Variants in EML6 observed in about 807,000 individuals in gnomAD.
The protein encoded by EML6 is echinoderm microtubule-associated protein-like 6.
EML6 carries 154 observed loss-of-function variants against 240.1 expected under a neutral mutation model. The observed-to-expected ratio is 0.64, with a 90% CI of 0.56 to 0.73. EML6 has a LOEUF of 0.73. Among genes scored for constraint, EML6 ranks in the 30% least tolerant of loss-of-function variants. The pLI, the probability that EML6 is intolerant of heterozygous loss-of-function variation, is 0.00. For synonymous variants in EML6, 1,148 were observed against 899.0 expected (o/e 1.28, Z -4.95); for missense variants, 2,964 against 2,474.6 (o/e 1.20, Z -4.20).
At chr2:54,849,076 A>T (rs1267068142) in intron 9 of EML6, among the ~76,000 whole-genome samples, 2 of 152,216 alleles carry the variant, frequency 1.3e-5, no homozygotes, top group Non-Finnish European at 2.9e-5. Context: ...TTGAAACAAA[A>T]ATTTTAGGGA....
chr2:54,827,462 T>C (rs531094532), intron 5 of EML6, 104 bp from the exon 6 acceptor site: 1 of 944,694 alleles, frequency 1.1e-6, no homozygotes, highest in South Asian at 1.6e-5. Flanking sequence ...GTGCCTAGCT[T>C]GGATAGAGCA....
intron 5 of EML6, among the ~76,000 whole-genome samples, chr2:54,822,590 G>T (rs1054590974): frequency 1.3e-5 from 2 of 152,164 alleles, no homozygotes; most frequent in Non-Finnish European, 2.9e-5. Context: ...TTTAAATGAT[G>T]ATATTGGGAA....
Position 54,959,132 on chromosome 2 carries a change from A to T in EML6, c.4724A>T (p.Asn1575Ile). The change falls in exon 34 of 42, where the codon AAT (asparagine) becomes ATT (isoleucine). Residue 1575 changes from asparagine (N) to isoleucine (I), a missense_variant. By Grantham distance (149) the Asn-to-Ile change is moderately radical. Coordinates refer to ENST00000356458, the MANE Select transcript of EML6 (RefSeq NM_001039753.4). Reference protein sequence around the residue: ...ANNLTFTGAINGDVYVWKDHF... With the variant: ...ANNLTFTGAIIGDVYVWKDHF... Reference sequence around the variant, plus strand: ...AATCTCACTTTCACGGGTGCCATCAATGGAGATGTCTACGTCTGGAAGGAC... The same window carrying T: ...AATCTCACTTTCACGGGTGCCATCATTGGAGATGTCTACGTCTGGAAGGAC... The T allele has an allele frequency of 6.4e-7, 1 of 1,551,494 alleles. No homozygotes were observed. Among genetic ancestry groups the T allele is most frequent in the Non-Finnish European group, 8.7e-7 (1 of 1,146,910 alleles).
chr2:54,859,925 G>C (rs960359825), intron 12 of EML6, among the ~76,000 whole-genome samples: 4 of 152,144 alleles, frequency 2.6e-5, no homozygotes, highest in African/African-American at 4.8e-5. Context: ...TGAGCAGGAC[G>C]TCAGCAACGT....
In EML6 at chr2:54,895,263, C is replaced by T. The variant is rs1250878508; in HGVS notation, c.2855-10C>T. 1 of 1,551,350 alleles carries T rather than the reference C, an allele frequency of 6.4e-7. No individual in the cohort carries two copies. Among genetic ancestry groups the T allele is most frequent in the East Asian group, 2.4e-5 (1 of 40,912 alleles). On this transcript the variant is annotated splice_polypyrimidine_tract_variant and intron_variant, in intron 20 of 41. Coordinates refer to ENST00000356458, the MANE Select transcript of EML6 (RefSeq NM_001039753.4). ...TGTTATTGTGTTAAATATACCATCC[C>T]CTTCCCCAGGCTTGCTTTTGGAAGA...
intron 7 of EML6, among the ~76,000 whole-genome samples, chr2:54,832,637 C>T (rs1237546998): frequency 6.6e-6 from 1 of 152,134 alleles, no homozygotes; most frequent in Admixed American, 6.5e-5. Flanking sequence ...TTGGTTGTTT[C>T]AACATTAGCA....
chr2:54,916,972 C>G lies in EML6; in HGVS notation c.3675+37C>G, dbSNP rs748267622. On this transcript the variant is annotated intron_variant, in intron 26 of 41. Transcript: ENST00000356458. ...TGTTTATTATCTTTACTTGCTCAGT[C>G]TCCTTAATAACCTTAAATATTGTAT... The G allele has an allele frequency of 4.7e-4, 678 of 1,448,468 alleles. 1 individual carries two copies. The highest frequency in any genetic ancestry group is 5.7e-4 in the Non-Finnish European group (607 of 1,060,866). The allele number at this position is 1,448,468 out of a possible 1,614,324, so 89.7% of individuals were successfully genotyped here.
chr2:54,904,761 A>G (rs1205227500), intron 24 of EML6, among the ~76,000 whole-genome samples: 1 of 152,180 alleles, frequency 6.6e-6, no homozygotes, highest in Non-Finnish European at 1.5e-5. Flanking sequence ...ATTCCCTCCC[A>G]TCTTGGGGAG....
At chr2:54,921,365 GC>G (rs1490852173) in intron 26 of EML6, among the ~76,000 whole-genome samples, 2 of 152,032 alleles carry the variant, frequency 1.3e-5, no homozygotes, top group Non-Finnish European at 2.9e-5. Context: ...AATAAGTTTA[GC>G]CAAGGAGGCG....
chr2:54,799,083 C>T (rs950780294), intron 2 of EML6, among the ~76,000 whole-genome samples: 10 of 152,142 alleles, frequency 6.6e-5, no homozygotes, highest in South Asian at 2.1e-4. Flanking sequence ...TTTTTTGAGA[C>T]GGAGTCTTGT....
Position 54,851,470 on chromosome 2 carries a change from A to C in EML6, c.1444+1252A>C, listed in dbSNP as rs192531766. Among the ~76,000 whole-genome samples, 10 of 152,182 alleles carry C rather than the reference A, an allele frequency of 6.6e-5. No homozygotes were observed. In the East Asian group the frequency reaches 1.9e-3, roughly 29 times the overall value. On this transcript the variant is annotated intron_variant, in intron 10 of 41. Transcript: ENST00000356458. ...AAAGCCCAATGGATTTTAACTCTGA[A>C]ACATTTTCTTTAAAATTCTGTGATA...
chr2:54,818,669 T>C (rs1668188276), intron 4 of EML6, among the ~76,000 whole-genome samples: 1 of 152,236 alleles, frequency 6.6e-6, no homozygotes, highest in South Asian at 2.1e-4. Flanking sequence ...CTTGCCTGTA[T>C]GTTTCAGTGA....
intron 2 of EML6, among the ~76,000 whole-genome samples, chr2:54,741,287 C>T (rs1194268754): frequency 6.6e-6 from 1 of 152,152 alleles, no homozygotes; most frequent in East Asian, 1.9e-4. Context: ...ACTCCCCTAG[C>T]CCATCCTCTG....
At chr2:54,894,395 G>C (rs556302290) in intron 19 of EML6, among the ~76,000 whole-genome samples, 1 of 152,278 alleles carries the variant, frequency 6.6e-6, no homozygotes, top group East Asian at 1.9e-4. Flanking sequence ...TATGGAAATT[G>C]TGTCTATTGA....
At chr2:54,761,623 A>G (rs950075677) in intron 2 of EML6, among the ~76,000 whole-genome samples, 62 of 152,154 alleles carry the variant, frequency 4.1e-4, no homozygotes, top group Admixed American at 3.5e-3. Context: ...AACTCTGTGG[A>G]TATAGCTTGA....
Position 54,820,382 on chromosome 2 carries a change from T to G in EML6, c.457-12T>G, listed in dbSNP as rs754378035. 1 of 1,540,754 alleles carries G rather than the reference T, an allele frequency of 6.5e-7. No individual in the cohort carries two copies. The highest frequency in any genetic ancestry group is 1.2e-5 in the South Asian group (1 of 82,796). The stretch of plus-strand genomic sequence containing the variant: ...AAATGATCAACATGGCAACTTTTAA[T>G]GTTTTGAACAGATTTTTGATATTTC... On this transcript the variant is annotated splice_polypyrimidine_tract_variant and intron_variant, in intron 4 of 41. Transcript: ENST00000356458.
chr2:54,759,181 C>G (rs1008215541), intron 2 of EML6, among the ~76,000 whole-genome samples: 4 of 149,766 alleles, frequency 2.7e-5, no homozygotes, highest in African/African-American at 9.9e-5. Context: ...TCTAGCATGT[C>G]TTCTTTTCAG....
At chr2:54,816,254 C>T (rs979259259) in intron 3 of EML6, among the ~76,000 whole-genome samples, 3 of 152,116 alleles carry the variant, frequency 2.0e-5, no homozygotes, top group African/African-American at 7.2e-5. Context: ...GGAATTTAGG[C>T]TGGGAGGTGA....
rs573426120 is a variant in EML6, at chr2:54,960,329, G to C, written c.4963G>C (p.Gly1655Arg). 1.3e-6 allele frequency: 2 copies of C among 1,549,340 alleles called. No homozygotes were observed. Among genetic ancestry groups the C allele is most frequent in the South Asian group, 2.4e-5 (2 of 84,050 alleles). ...LVECVRSVCR[G>R]KGKILVGTKD... ...GGAGTGTGTGCGCTCCGTGTGCCGT[G>C]GAAAAGTGAGCACAGCCAGCTCCCC... Residue 1655 changes from glycine to arginine, a missense_variant, in exon 35 of 42, where the codon GGA (glycine) becomes CGA (arginine). Gly to Arg is a moderately radical substitution (Grantham distance 125, BLOSUM62 -2). Coordinates refer to ENST00000356458, the MANE Select transcript of EML6 (RefSeq NM_001039753.4).
Sources: allele counts gnomAD v4.1 joint callset (sites outside exome capture counted in the v4.1 genomes callset), GRCh38; gene constraint gnomAD v4.1.1; transcripts MANE v1.5; gene names NCBI Gene and HGNC (gene_info 2026-07-23, HGNC 2026-07-21).